Variants in PLEKHA7 observed in about 807,000 individuals in gnomAD.
PLEKHA7 encodes pleckstrin homology domain containing A7.
In PLEKHA7, 104 loss-of-function variants were observed where a neutral mutation model predicts 170.0. That is an observed-to-expected ratio of 0.61 (90% CI 0.52 to 0.72). The LOEUF (loss-of-function observed/expected upper bound fraction) is 0.72, where lower values mean the gene tolerates loss of function less well. Ranked by LOEUF, PLEKHA7 falls within the 30% of genes least tolerant of loss-of-function variation. PLEKHA7 has a pLI of 0.00. For synonymous variants in PLEKHA7, 648 were observed against 660.8 expected, an observed-to-expected ratio of 0.98 and a Z score of 0.30; for missense variants, 1,615 against 1,671.7, an observed-to-expected ratio of 0.97 and a Z score of 0.59.
At chr11:16,857,184 AC>A (rs2135486373) in intron 4 of PLEKHA7, among the ~76,000 whole-genome samples, 1 of 152,328 alleles carries the variant, frequency 6.6e-6, no homozygotes, top group East Asian at 1.9e-4. Context: ...ATCCTACACC[AC>A]AAGGGAAGTT....
intron 8 of PLEKHA7, among the ~76,000 whole-genome samples, chr11:16,845,887 G>A (rs1852360983): frequency 6.6e-6 from 1 of 152,166 alleles, no homozygotes; most frequent in Non-Finnish European, 1.5e-5. Flanking sequence ...AATACCTGCA[G>A]GCCTTGGCAA....
At chr11:16,865,196 T>C (rs405268) in intron 4 of PLEKHA7, among the ~76,000 whole-genome samples, 22 of 152,102 alleles carry the variant, frequency 1.4e-4, no homozygotes, top group Admixed American at 3.3e-4. Context: ...GAATGAAGTG[T>C]TTCACAAAAA....
intron 12 of PLEKHA7, chr11:16,815,391 T>G (rs941764848): frequency 2.0e-5 from 3 of 152,588 alleles, no homozygotes; most frequent in African/African-American, 7.2e-5. Context: ...AGGACAGCAC[T>G]GATGTGACAC....
chr11:16,901,032 A>G (rs1382704141), intron 3 of PLEKHA7, among the ~76,000 whole-genome samples: 2 of 151,880 alleles, frequency 1.3e-5, no homozygotes, highest in Non-Finnish European at 2.9e-5. Context: ...TTTAGTAGAG[A>G]CAGGGTTTCA....
rs570549817 is a variant in PLEKHA7 at position 16,934,710 on chromosome 11, G to C, written c.222-63528C>G. Among the ~76,000 whole-genome samples the C allele has an allele frequency of 6.6e-5, 10 of 152,124 alleles. No homozygotes were observed. In the South Asian group the frequency reaches 2.1e-3, roughly 32 times the overall value. On this transcript the variant is annotated intron_variant, in intron 3 of 26. Transcript: ENST00000531066. The stretch of plus-strand genomic sequence containing the variant: ...CATAAGTTACCTCAAATCCACTGTG[G>C]AACAGGATAAGCAATAAATGAATAC...
At position 16,958,842 on chromosome 11, in the gene PLEKHA7, T is replaced by C. The variant is rs564636086; in HGVS notation, c.221+55147A>G. ...CAGCCGATGTAACCAGAGCAAAACA[T>C]ACTGAAAAGAAGAAGAAAGATGAAC... is the stretch of plus-strand genomic sequence containing the variant. On this transcript the variant is annotated intron_variant, in intron 3 of 26. Transcript: ENST00000531066. 1.9e-3 allele frequency among the ~76,000 whole-genome samples: 258 copies of C among 134,794 alleles called. 7 individuals carry two copies. The East Asian group carries it at 0.047, about 24-fold the overall frequency. 88.4% of individuals were successfully genotyped at this position (134,794 alleles called of 152,430 possible).
Position 16,855,373 on chromosome 11 carries a change from T to C in PLEKHA7, c.418-380A>G, listed in dbSNP as rs908513409. 3.9e-5 allele frequency among the ~76,000 whole-genome samples: 6 copies of C among 152,268 alleles called. No individual in the cohort carries two copies. The East Asian group carries it at 7.7e-4, about 20-fold the overall frequency. On this transcript the variant is annotated intron_variant, in intron 5 of 26. Coordinates refer to ENST00000531066, the MANE Select transcript of PLEKHA7 (RefSeq NM_001329630.2). ...CCTATCTGGGTTCAACCCTCAGCAC[T>C]CTCCTCCTCTCCTCAATGCTGGTTC...
intron 3 of PLEKHA7, among the ~76,000 whole-genome samples, chr11:17,005,841 G>T (rs750134748): frequency 1.1e-4 from 17 of 152,096 alleles, no homozygotes; most frequent in Non-Finnish European, 2.1e-4. Flanking sequence ...TTAAATCCAT[G>T]AACCAGTTTT....
intron 3 of PLEKHA7, among the ~76,000 whole-genome samples, chr11:16,960,930 A>G (rs1196019225): frequency 6.6e-6 from 1 of 151,866 alleles, no homozygotes; most frequent in Admixed American, 6.6e-5. Context: ...ACCCAAGCTC[A>G]TCCTGAAACT....
chr11:16,877,552 T>C (rs572972364), intron 3 of PLEKHA7, among the ~76,000 whole-genome samples: 10 of 152,358 alleles, frequency 6.6e-5, no homozygotes, highest in East Asian at 1.9e-4. Flanking sequence ...TCTAAGGGGA[T>C]TGAGAATCTA....
intron 3 of PLEKHA7, among the ~76,000 whole-genome samples, chr11:16,920,359 G>C (rs141805743): frequency 1.3e-5 from 2 of 152,302 alleles, no homozygotes; most frequent in East Asian, 3.9e-4. Flanking sequence ...TCCAAGGGAG[G>C]AAATTAGATA....
chr11:16,861,469 T>C (rs543792606), intron 4 of PLEKHA7, among the ~76,000 whole-genome samples: 1 of 151,716 alleles, frequency 6.6e-6, no homozygotes, highest in Admixed American at 6.6e-5. Context: ...GGCAACATAA[T>C]GAGACCCCGT....
chr11:16,906,695 C>A (rs1424640192), intron 3 of PLEKHA7, among the ~76,000 whole-genome samples: 4 of 140,088 alleles, frequency 2.9e-5, no homozygotes, highest in African/African-American at 1.2e-4. Flanking sequence ...CTCCCAGCTG[C>A]CTGCCTTGGC....
chr11:16,925,829 G>T (rs1268698666), intron 3 of PLEKHA7, among the ~76,000 whole-genome samples: 1 of 152,254 alleles, frequency 6.6e-6, no homozygotes. Flanking sequence ...AGGTGCTGCC[G>T]TTCGGCCAGG....
chr11:16,891,502 T>A (rs1049512005), intron 3 of PLEKHA7, among the ~76,000 whole-genome samples: 1 of 152,238 alleles, frequency 6.6e-6, no homozygotes, highest in Non-Finnish European at 1.5e-5. Context: ...TGTTGTTTTA[T>A]ACTACTGTTG....
chr11:16,783,215 G>T (rs937635214), intron 25 of PLEKHA7, among the ~76,000 whole-genome samples: 5 of 152,218 alleles, frequency 3.3e-5, no homozygotes, highest in African/African-American at 1.2e-4. Context: ...AGCTATTGAG[G>T]CTTAGGGGAC....
At chr11:16,893,947 G>A (rs541121479) in intron 3 of PLEKHA7, among the ~76,000 whole-genome samples, 2 of 152,326 alleles carry the variant, frequency 1.3e-5, no homozygotes, top group South Asian at 4.1e-4. Context: ...TGCTTCCAGT[G>A]TTGATGCTGT....
At chr11:16,822,832 G>T (rs1850344461) in intron 10 of PLEKHA7, among the ~76,000 whole-genome samples, 1 of 152,136 alleles carries the variant, frequency 6.6e-6, no homozygotes, top group Non-Finnish European at 1.5e-5. Flanking sequence ...TGTCCAGGCT[G>T]CAACCCAGAC....
intron 3 of PLEKHA7, among the ~76,000 whole-genome samples, chr11:16,906,693 T>C (rs1161203922): frequency 3.6e-5 from 5 of 139,802 alleles, no homozygotes; most frequent in Non-Finnish European, 7.4e-5. Context: ...ACCTCCCAGC[T>C]GCCTGCCTTG....
Sources: gnomAD v4.1 joint callset for allele counts (sites outside exome capture counted in the v4.1 genomes callset) on GRCh38, gnomAD v4.1.1 for gene constraint, MANE v1.5 for transcripts, NCBI Gene and HGNC (gene_info 2026-07-23, HGNC 2026-07-21) for gene names.